JARID2: variants seen among roughly 807,000 people sequenced by gnomAD.
The protein encoded by JARID2 is jumonji and AT-rich interaction domain containing 2.
A neutral mutation model predicts 125.6 loss-of-function variants in JARID2; 21 were observed. The ratio of observed to expected loss-of-function variants is 0.17; its 90% CI spans 0.12 to 0.24. The LOEUF (loss-of-function observed/expected upper bound fraction) is 0.24. Among genes scored for constraint, JARID2 ranks in the 10% least tolerant of loss-of-function variants. JARID2 has a pLI of 1.00. For missense variants in JARID2, 1,303 were observed against 1,639.6 expected (o/e 0.79, Z 3.55); for synonymous variants, 736 against 661.6 (o/e 1.11, Z -1.73).
chr6:15,263,040 T>TG (rs1224890218), intron 1 of JARID2, among the ~76,000 whole-genome samples: 1 of 151,980 alleles, frequency 6.6e-6, no homozygotes, highest in Non-Finnish European at 1.5e-5. Context: ...CCTCCCCTTC[T>TG]GGGGCTCTAG....
At chr6:15,392,457 G>A (rs1398866920) in intron 2 of JARID2, among the ~76,000 whole-genome samples, 1 of 152,092 alleles carries the variant, frequency 6.6e-6, no homozygotes, top group Non-Finnish European at 1.5e-5. Flanking sequence ...TGTTTATGGG[G>A]GAGGTGGTGA....
At chr6:15,464,815 A>G (rs1192568188) in intron 4 of JARID2, among the ~76,000 whole-genome samples, 1 of 152,160 alleles carries the variant, frequency 6.6e-6, no homozygotes, top group Non-Finnish European at 1.5e-5. Context: ...ATCCAGACCA[A>G]CATGCCAATT....
intron 3 of JARID2, among the ~76,000 whole-genome samples, chr6:15,450,219 G>A (rs1229075390): frequency 6.6e-6 from 1 of 152,056 alleles, no homozygotes; most frequent in Non-Finnish European, 1.5e-5. Context: ...GCCCAGGCTG[G>A]AGTGCAGTGG....
rs1771828024 is a variant in JARID2, at chr6:15,521,140, C to T, written c.*889C>T. 6.1e-6 allele frequency: 1 copy of T among 164,704 alleles called. No individual in the cohort carries two copies. The allele number at this position is 164,704 out of a possible 1,614,324, so 10.2% of individuals were successfully genotyped here. A position where few individuals can be genotyped will look rare whatever the true frequency, so the allele number is the denominator to read the frequency against. On this transcript the variant is annotated 3_prime_UTR_variant, in exon 18 of 18. Coordinates refer to ENST00000341776, the MANE Select transcript of JARID2 (RefSeq NM_004973.4). Reference sequence around the variant, plus strand: ...TAAGTGCTTCTTTGTCATCGACGTGCAATCTTTCTAACATTCCATCTCCAT... The same window carrying T: ...TAAGTGCTTCTTTGTCATCGACGTGTAATCTTTCTAACATTCCATCTCCAT...
At chr6:15,286,395 G>C (rs956137541) in intron 1 of JARID2, among the ~76,000 whole-genome samples, 1 of 151,516 alleles carries the variant, frequency 6.6e-6, no homozygotes, top group East Asian at 2.0e-4. Context: ...GGGATTACAG[G>C]TGCCCACCAC....
chr6:15,285,267 C>G (rs567684253), intron 1 of JARID2, among the ~76,000 whole-genome samples: 41 of 151,900 alleles, frequency 2.7e-4, no homozygotes, highest in Non-Finnish European at 4.3e-4. Context: ...CCTGCCACCA[C>G]GCCCAGCTAA....
At chr6:15,452,752 A>C (rs1225326546) in intron 4 of JARID2, among the ~76,000 whole-genome samples, 1 of 152,160 alleles carries the variant, frequency 6.6e-6, no homozygotes, top group Non-Finnish European at 1.5e-5. Context: ...TGCTGAATAG[A>C]GTTATTTGTG....
chr6:15,311,375 C>T (rs201229147), intron 1 of JARID2, among the ~76,000 whole-genome samples: 9 of 152,106 alleles, frequency 5.9e-5, no homozygotes, highest in African/African-American at 1.7e-4. Flanking sequence ...GTTGGGAGTT[C>T]GAGACTAGCC....
At chr6:15,450,458 C>T (rs1415608783) in intron 3 of JARID2, among the ~76,000 whole-genome samples, 1 of 152,194 alleles carries the variant, frequency 6.6e-6, no homozygotes, top group East Asian at 1.9e-4. Context: ...GGATGAACCA[C>T]TGCGCCCGGC....
chr6:15,438,368 A>T (rs1285904644), intron 3 of JARID2, among the ~76,000 whole-genome samples: 1 of 152,192 alleles, frequency 6.6e-6, no homozygotes, highest in Non-Finnish European at 1.5e-5. Context: ...ATCTTTATGA[A>T]CATGATTCTG....
intron 2 of JARID2, among the ~76,000 whole-genome samples, chr6:15,389,907 T>C (rs1434998456): frequency 1.3e-5 from 2 of 152,324 alleles, no homozygotes; most frequent in East Asian, 1.9e-4. Flanking sequence ...CTACCAAAAA[T>C]AGAAGTGTGT....
chr6:15,434,334 T>C (rs1194888886), intron 3 of JARID2, among the ~76,000 whole-genome samples: 2 of 152,108 alleles, frequency 1.3e-5, no homozygotes, highest in Non-Finnish European at 2.9e-5. Flanking sequence ...GTGGGGTTGT[T>C]TAGGGTGGTG....
chr6:15,380,323 C>G (rs1405826546), intron 2 of JARID2, among the ~76,000 whole-genome samples: 1 of 152,150 alleles, frequency 6.6e-6, no homozygotes, highest in African/African-American at 2.4e-5. Context: ...GCGTGAGCCA[C>G]CGTGCCTGGC....
intron 2 of JARID2, chr6:15,400,996 C>T (rs1320205769): frequency 7.8e-7 from 1 of 1,289,382 alleles, no homozygotes; most frequent in Admixed American, 2.3e-5. Flanking sequence ...GGTGGCTTAT[C>T]TTGAGGAACC....
chr6:15,497,145 C>T lies in JARID2; in HGVS notation c.1920C>T (p.Ile640=). The change falls in exon 7 of 18, where the codon ATC becomes ATT. Residue 640 remains isoleucine (I), a synonymous_variant. Transcript: ENST00000341776. ...CIKKHLKSQG[I]TMDELPLIGG... The stretch of plus-strand genomic sequence containing the variant: ...AGAAGCACCTCAAATCTCAGGGCAT[C>T]ACCATGGACGAGCTCCCGCTCATAG... The T allele has an allele frequency of 6.4e-7, 1 of 1,553,382 alleles. No individual in the cohort carries two copies. Among genetic ancestry groups the T allele is most frequent in the Middle Eastern group, 1.7e-4 (1 of 5,986 alleles).
chr6:15,510,245 T>C lies in JARID2; in HGVS notation c.2847-1051T>C, dbSNP rs1009832906. On this transcript the variant is annotated intron_variant, in intron 12 of 17. Coordinates refer to ENST00000341776, the MANE Select transcript of JARID2 (RefSeq NM_004973.4). ...CCTGTCAGGCCCCTCTCCACACTGA[T>C]GTCCTCCTCTTGCCTGGGGAGGAGC... Among the ~76,000 whole-genome samples, 5 of 152,234 alleles carry C rather than the reference T, an allele frequency of 3.3e-5. No individual in the cohort carries two copies. The South Asian group carries it at 1.0e-3, about 32-fold the overall frequency.
At chr6:15,328,360 A>T (rs1762600232) in intron 1 of JARID2, among the ~76,000 whole-genome samples, 1 of 152,238 alleles carries the variant, frequency 6.6e-6, no homozygotes, top group African/African-American at 2.4e-5. Flanking sequence ...CTTTACATGT[A>T]TTACTTGCAA....
chr6:15,349,646 G>A (rs953576116), intron 1 of JARID2, among the ~76,000 whole-genome samples: 2 of 152,100 alleles, frequency 1.3e-5, no homozygotes, highest in African/African-American at 2.4e-5. Context: ...AAAAGGAAGG[G>A]ATTCCATGAA....
At chr6:15,295,953 G>C (rs1237756195) in intron 1 of JARID2, among the ~76,000 whole-genome samples, 1 of 152,200 alleles carries the variant, frequency 6.6e-6, no homozygotes, top group African/African-American at 2.4e-5. Flanking sequence ...GAGCCACTGT[G>C]CCTGGCAGGG....
Sources: gnomAD v4.1 joint callset for allele counts (sites outside exome capture counted in the v4.1 genomes callset) on GRCh38, gnomAD v4.1.1 for gene constraint, MANE v1.5 for transcripts, NCBI Gene and HGNC (gene_info 2026-07-23, HGNC 2026-07-21) for gene names.